MYOM3: variants seen among roughly 807,000 people sequenced by gnomAD.
MYOM3 encodes myomesin 3.
A neutral mutation model predicts 191.7 loss-of-function variants in MYOM3; 155 were observed. That is an observed-to-expected ratio of 0.81 (90% CI 0.71 to 0.92). The LOEUF (loss-of-function observed/expected upper bound fraction) is 0.92, where lower values mean the gene tolerates loss of function less well. Ranked by LOEUF, MYOM3 falls within the 40% of genes least tolerant of loss-of-function variation. The pLI is 0.00. For missense variants in MYOM3, 1,889 were observed against 1,890.6 expected (o/e 1.00, Z 0.02); for synonymous variants, 757 against 762.9 (o/e 0.99, Z 0.13).
At position 24,087,216 on chromosome 1, in the gene MYOM3, G is replaced by C; in HGVS notation, c.1615-389C>G. Among the ~76,000 whole-genome samples, 1 of 152,266 alleles carries C rather than the reference G, an allele frequency of 6.6e-6. No individual in the cohort carries two copies. The highest frequency in any genetic ancestry group is 2.1e-4 in the South Asian group (1 of 4,818). ...CAAAATTTACCCAGAAACCAGCCAT[G>C]CCTTATTGTCCTCATGCTCCCCACC... On this transcript the variant is annotated intron_variant, in intron 14 of 36. Transcript: ENST00000374434. This position sits in a 1 kb window ranked among gnomAD's most constrained non-coding sequence, Gnocchi z 4.5.
chr1:24,093,346 A>G (rs1444559446), intron 9 of MYOM3, among the ~76,000 whole-genome samples: 2 of 152,064 alleles, frequency 1.3e-5, no homozygotes, highest in Admixed American at 6.6e-5. Flanking sequence ...CTGGGGCTCA[A>G]TGAGGGAGTG....
At chr1:24,071,686 C>T (rs888744047) in intron 24 of MYOM3, among the ~76,000 whole-genome samples, 1 of 152,196 alleles carries the variant, frequency 6.6e-6, no homozygotes, top group African/African-American at 2.4e-5. Flanking sequence ...TGGAGAGAAG[C>T]AGAGGTTTAG....
chr1:24,057,095 G>A lies in MYOM3; in HGVS notation c.*269C>T. 2.0e-6 allele frequency: 1 copy of A among 509,646 alleles called. No homozygotes were observed. 31.6% of individuals were successfully genotyped at this position (509,646 alleles called of 1,614,324 possible). A position where few individuals can be genotyped will look rare whatever the true frequency, so the allele number is the denominator to read the frequency against. ...CCTGACCTCTACCTATCAGATGCCAGTACTGTTAGATAGCCCCAGTGCATC... is the reference window on the plus strand; with the variant it reads ...CCTGACCTCTACCTATCAGATGCCAATACTGTTAGATAGCCCCAGTGCATC... On this transcript the variant is annotated 3_prime_UTR_variant, in exon 37 of 37. Coordinates refer to ENST00000374434, the MANE Select transcript of MYOM3 (RefSeq NM_152372.4).
At chr1:24,076,968 C>A (rs190543570) in intron 20 of MYOM3, among the ~76,000 whole-genome samples, 1 of 152,250 alleles carries the variant, frequency 6.6e-6, no homozygotes, top group African/African-American at 2.4e-5. Context: ...ACTACAGGCA[C>A]CCACCACCAT....
chr1:24,109,141 T>C (rs368208797), intron 1 of MYOM3, among the ~76,000 whole-genome samples: 4 of 152,280 alleles, frequency 2.6e-5, no homozygotes, highest in Admixed American at 6.5e-5. Flanking sequence ...TGGTTTCCTC[T>C]CCCGGCACAC....
chr1:24,092,124 C>A, intron 11 of MYOM3, 50 bp downstream of exon 11: 1 of 1,397,108 alleles, frequency 7.2e-7, no homozygotes, highest in Non-Finnish European at 9.4e-7. Context: ...CTCCCACCAC[C>A]AGACAGAATT....
In MYOM3 at chr1:24,108,481, G is replaced by A. The variant is rs768283111; in HGVS notation, c.156C>T (p.Arg52=). The A allele has an allele frequency of 7.7e-6, 12 of 1,558,404 alleles. No individual in the cohort carries two copies. The highest frequency in any genetic ancestry group is 1.9e-5 in the Admixed American group (1 of 52,196). Residue 52 remains arginine (R), a synonymous_variant, in exon 2 of 37, where the codon CGC becomes CGT. Transcript: ENST00000374434. ...MGSSVRRRTF[R]SSEEEHEFSA... is the part of the protein sequence containing the mutation. ...GGGGACCCTGTGGCTCCCACCTGCT[G>A]CGGAAGGTCCGCCTCCGCACAGAGG...
chr1:24,095,315 T>A (rs914007917), intron 8 of MYOM3, 127 bp downstream of exon 8: 6 of 949,908 alleles, frequency 6.3e-6, no homozygotes, highest in African/African-American at 1.7e-5. Flanking sequence ...TACCAGCTCA[T>A]AGACAAACCC....
intron 29 of MYOM3, among the ~76,000 whole-genome samples, chr1:24,064,761 T>A (rs1026751049): frequency 6.6e-6 from 1 of 152,182 alleles, no homozygotes; most frequent in Non-Finnish European, 1.5e-5. Flanking sequence ...CTCTCAATAC[T>A]TCCCACCAGG....
At chr1:24,101,186 G>A (rs1344756790) in intron 5 of MYOM3, among the ~76,000 whole-genome samples, 1 of 152,114 alleles carries the variant, frequency 6.6e-6, no homozygotes, top group Non-Finnish European at 1.5e-5. Flanking sequence ...GGGAGGTGCC[G>A]GCGGCTGTCT....
chr1:24,097,850 A>G (rs1249883862), intron 7 of MYOM3, 73 bp downstream of exon 7: 1 of 1,011,066 alleles, frequency 9.9e-7, no homozygotes, highest in East Asian at 2.4e-5. Flanking sequence ...GGTCTCACGC[A>G]GACCCATGTC....
intron 6 of MYOM3, 51 bp from the exon 7 acceptor site, chr1:24,098,062 G>A (rs1189314664): frequency 8.5e-7 from 1 of 1,177,030 alleles, no homozygotes; most frequent in Middle Eastern, 1.9e-4. Context: ...GGCTCCATGG[G>A]AAACACAAGT....
chr1:24,074,039 C>A, intron 23 of MYOM3, 121 bp downstream of exon 23: 1 of 707,546 alleles, frequency 1.4e-6, no homozygotes, highest in East Asian at 2.6e-5. Context: ...GGGTGAGGGC[C>A]TACTTCTCTG....
intron 17 of MYOM3, 73 bp from the exon 18 acceptor site, chr1:24,082,261 G>A: frequency 7.3e-7 from 1 of 1,367,594 alleles, no homozygotes; most frequent in Non-Finnish European, 9.9e-7. Context: ...GCCTGAGGGA[G>A]CTGACGAGCC....
chr1:24,075,485 A>C lies in MYOM3; in HGVS notation c.2702-10T>G. 6.4e-7 allele frequency: 1 copy of C among 1,552,122 alleles called. No homozygotes were observed. The highest frequency in any genetic ancestry group is 1.4e-5 in the African/African-American group (1 of 72,318). On this transcript the variant is annotated splice_polypyrimidine_tract_variant and intron_variant, in intron 21 of 36. Coordinates refer to ENST00000374434, the MANE Select transcript of MYOM3 (RefSeq NM_152372.4). ...TCGATCTCATGGGCACCTGAGGGCG[A>C]GATCCAACAGAGGGCAGCGGATGTT...
rs975457465 is a variant in MYOM3, at chr1:24,057,681, G to A, written c.4051-54C>T. ...CTCACCTCCTTGTAACTTGAACTTA[G>A]CATTTGCTTTCATGCCCCCAGAGAG... On this transcript the variant is annotated intron_variant, in intron 36 of 36. Transcript: ENST00000374434. 3.8e-6 allele frequency: 6 copies of A among 1,565,480 alleles called. No individual in the cohort carries two copies. The African/African-American group carries it at 8.1e-5, about 21-fold the overall frequency.
In MYOM3 at chr1:24,108,517, C is replaced by T. The variant is rs545962171; in HGVS notation, c.120G>A (p.Leu40=). 29 of 1,580,858 alleles carry T rather than the reference C, an allele frequency of 1.8e-5. No individual in the cohort carries two copies. Among genetic ancestry groups the T allele is most frequent in the South Asian group, 1.2e-5 (1 of 86,658 alleles). ...EEQKEERQHS[L]RMGSSVRRRT... ...GCCTCCGCACAGAGGAGCCCATGCGCAGGCTGTGCTGCCGCTCCTCCTTCT... is the reference window on the plus strand; with the variant it reads ...GCCTCCGCACAGAGGAGCCCATGCGTAGGCTGTGCTGCCGCTCCTCCTTCT... The change falls in exon 2 of 37, where the codon CTG becomes CTA. Residue 40 remains leucine (L), a synonymous_variant. Coordinates refer to ENST00000374434, the MANE Select transcript of MYOM3 (RefSeq NM_152372.4).
rs201323682 is a variant in MYOM3, at chr1:24,090,898, C to G, written c.1331G>C (p.Arg444Pro). 1 of 1,613,934 alleles carries G rather than the reference C, an allele frequency of 6.2e-7. No individual in the cohort carries two copies. Among genetic ancestry groups the G allele is most frequent in the African/African-American group, 1.3e-5 (1 of 74,940 alleles). Residue 444 changes from arginine to proline, a missense_variant, in exon 12 of 37, where the codon CGG becomes CCG. By Grantham distance (103) the Arg-to-Pro change is moderately radical. Transcript: ENST00000374434. ...CCTGCTGATGGCTCTCACCCGGAACCGATAGCTCTGACCTTCGACGAGGCC... is the reference window on the plus strand; with the variant it reads ...CCTGCTGATGGCTCTCACCCGGAACGGATAGCTCTGACCTTCGACGAGGCC... ...IQGLVEGQSY[R>P]FRVRAISRVG...
At position 24,056,238 on chromosome 1, in the gene MYOM3, AG is replaced by A. The variant is rs2148538561; in HGVS notation, c.*1125del. ...AGCCGGTATCTGTCACACCAGGCAG[AG>A]GCCCCGTGCTGGAAGCCCTGGAGGT... On this transcript the variant is annotated 3_prime_UTR_variant, in exon 37 of 37. Transcript: ENST00000374434. 6.6e-6 allele frequency: 1 copy of A among 152,314 alleles called. No individual in the cohort carries two copies. Among genetic ancestry groups the A allele is most frequent in the East Asian group, 1.9e-4 (1 of 5,172 alleles). 9.4% of individuals were successfully genotyped at this position (152,314 alleles called of 1,614,324 possible).
Sources: gnomAD v4.1 joint callset for allele counts (sites outside exome capture counted in the v4.1 genomes callset) on GRCh38, gnomAD v4.1.1 for gene constraint, Gnocchi (gnomAD v3.1) non-coding constraint, MANE v1.5 for transcripts, NCBI Gene and HGNC (gene_info 2026-07-23, HGNC 2026-07-21) for gene names.